GPC5: variants seen among roughly 807,000 people sequenced by gnomAD.
GPC5 encodes the protein glypican 5, also known as glypican-5.
In GPC5, 47 loss-of-function variants were observed where a neutral mutation model predicts 53.9. The observed-to-expected ratio is 0.87, with a 90% CI of 0.69 to 1.11. GPC5 has a LOEUF of 1.11. GPC5 is among the 50% of genes most tolerant of loss of function. The pLI is 0.00. For missense variants in GPC5, 748 were observed against 713.1 expected (o/e 1.05, Z -0.56); for synonymous variants, 286 against 263.3 (o/e 1.09, Z -0.84).
chr13:92,753,366 C>T (rs983392551), intron 7 of GPC5, among the ~76,000 whole-genome samples: 2 of 152,070 alleles, frequency 1.3e-5, no homozygotes, highest in Non-Finnish European at 2.9e-5. Context: ...TAGATAAAAC[C>T]ACAAAGATGG....
rs570394675 is a variant in GPC5, at chr13:92,694,223, G to A, written c.1562-172059G>A. ...GGGCCCTCATGGAGAACCTCTACTAGGGCAATGAAGAGGAAAAATGTGTAG... is the reference window on the plus strand; with the variant it reads ...GGGCCCTCATGGAGAACCTCTACTAAGGCAATGAAGAGGAAAAATGTGTAG... On this transcript the variant is annotated intron_variant, in intron 7 of 7. Transcript: ENST00000377067. Among the ~76,000 whole-genome samples, 6 of 152,300 alleles carry A rather than the reference G, an allele frequency of 3.9e-5. No homozygotes were observed. In the South Asian group the frequency reaches 1.2e-3, roughly 32 times the overall value.
intron 7 of GPC5, among the ~76,000 whole-genome samples, chr13:92,282,908 T>A (rs187464440): frequency 2.5e-4 from 38 of 152,284 alleles, no homozygotes; most frequent in Admixed American, 2.2e-3. Context: ...ACCTCAAATG[T>A]AAATGGGCTA....
At chr13:92,127,972 T>C (rs1407257450) in intron 6 of GPC5, among the ~76,000 whole-genome samples, 1 of 152,226 alleles carries the variant, frequency 6.6e-6, no homozygotes, top group Non-Finnish European at 1.5e-5. Context: ...AAGACAATCC[T>C]GGAGGGACCA....
At chr13:92,084,926 G>A (rs1463920419) in intron 6 of GPC5, among the ~76,000 whole-genome samples, 1 of 152,178 alleles carries the variant, frequency 6.6e-6, no homozygotes, top group Admixed American at 6.5e-5. Flanking sequence ...AGTTCTGGAG[G>A]GTGGTTGTTT....
At chr13:92,543,966 G>A (rs1206414597) in intron 7 of GPC5, among the ~76,000 whole-genome samples, 1 of 150,984 alleles carries the variant, frequency 6.6e-6, no homozygotes, top group African/African-American at 2.4e-5. Flanking sequence ...ATATTGCTTT[G>A]TTTTGCTTGT....
chr13:92,121,478 T>G (rs559155401), intron 6 of GPC5, among the ~76,000 whole-genome samples: 10 of 152,342 alleles, frequency 6.6e-5, no homozygotes, highest in African/African-American at 1.9e-4. Context: ...TCAAGAATAC[T>G]TAGGTGATTT....
At chr13:92,560,867 G>GTT (rs1334160532) in intron 7 of GPC5, among the ~76,000 whole-genome samples, 2 of 149,254 alleles carry the variant, frequency 1.3e-5, no homozygotes, top group African/African-American at 5.0e-5. Context: ...ATGTGTGTGT[G>GTT]TGTGTGTGTG....
chr13:92,552,399 A>G (rs1882348327), intron 7 of GPC5, among the ~76,000 whole-genome samples: 1 of 151,966 alleles, frequency 6.6e-6, no homozygotes, highest in South Asian at 2.1e-4. Context: ...ATATTTTCTC[A>G]CTTAGTAAAA....
intron 7 of GPC5, among the ~76,000 whole-genome samples, chr13:92,296,111 G>T (rs1007772319): frequency 6.6e-6 from 1 of 152,072 alleles, no homozygotes; most frequent in African/African-American, 2.4e-5. Context: ...AATAGAACAA[G>T]ACCTACTGTC....
rs750558031 is a variant in GPC5, at chr13:91,728,550, C to T, written c.1039C>T (p.Arg347Cys). 9.3e-6 allele frequency: 15 copies of T among 1,610,380 alleles called. No homozygotes were observed. The highest frequency in any genetic ancestry group is 4.5e-5 in the East Asian group (2 of 44,782). ...TTAAAAGGTAAATAGGATTTGTGGC[C>T]GCCCTGTAAGAACACCCACACAAAG... Reference protein sequence around the residue: ...LLEQVNRICGRPVRTPTQSPR... With the variant: ...LLEQVNRICGCPVRTPTQSPR... The change falls in exon 4 of 8, where the codon CGC becomes TGC. Residue 347 changes from arginine to cysteine, a missense_variant. Coordinates refer to ENST00000377067, the MANE Select transcript of GPC5 (RefSeq NM_004466.6).
At position 91,751,516 on chromosome 13, in the gene GPC5, A is replaced by G. The variant is rs187611980; in HGVS notation, c.1155-4779A>G. On this transcript the variant is annotated intron_variant, in intron 4 of 7. Transcript: ENST00000377067. ...AGAATGACAGGGCAGCCTTCCTCTG[A>G]AACATTGCCAGTCATCGTGCTAGAG... Among the ~76,000 whole-genome samples, 158 of 152,344 alleles carry G rather than the reference A, an allele frequency of 1.0e-3. 2 individuals are homozygous for G. Among genetic ancestry groups the G allele is most frequent in the African/African-American group, 3.7e-3 (155 of 41,588 alleles).
chr13:92,025,173 C>T (rs929095594), intron 6 of GPC5, among the ~76,000 whole-genome samples: 2 of 152,066 alleles, frequency 1.3e-5, no homozygotes, highest in Non-Finnish European at 2.9e-5. Flanking sequence ...GGCTGCTTCA[C>T]TCTATTCTTT....
At chr13:92,608,766 C>T (rs1884339335) in intron 7 of GPC5, among the ~76,000 whole-genome samples, 1 of 152,174 alleles carries the variant, frequency 6.6e-6, no homozygotes, top group African/African-American at 2.4e-5. Flanking sequence ...TATCCAATCA[C>T]TCATTTGTTT....
intron 7 of GPC5, among the ~76,000 whole-genome samples, chr13:92,632,072 C>G (rs893233861): frequency 1.3e-5 from 2 of 152,086 alleles, no homozygotes; most frequent in Non-Finnish European, 2.9e-5. Flanking sequence ...CTAACAGAGA[C>G]AAAAGGTAAT....
intron 6 of GPC5, among the ~76,000 whole-genome samples, chr13:92,133,272 G>A (rs1275692883): frequency 1.5e-4 from 23 of 152,140 alleles, no homozygotes. Context: ...CATTTTAAAG[G>A]TGAGAATCAG....
chr13:92,218,080 T>C (rs966476738), intron 7 of GPC5, among the ~76,000 whole-genome samples: 58 of 151,996 alleles, frequency 3.8e-4, no homozygotes, highest in African/African-American at 1.3e-3. Context: ...TATGCCACCA[T>C]GGCTGACTAA....
intron 5 of GPC5, among the ~76,000 whole-genome samples, chr13:91,776,707 C>T (rs191716680): frequency 1.3e-5 from 2 of 152,092 alleles, no homozygotes; most frequent in African/African-American, 4.8e-5. Flanking sequence ...CTGTGATGAG[C>T]AACTGAATGA....
rs1488748824 is a variant in GPC5, at chr13:92,006,677, A to G, written c.1401+98620A>G. 2.0e-5 allele frequency among the ~76,000 whole-genome samples: 3 copies of G among 152,156 alleles called. No homozygotes were observed. The East Asian group carries it at 5.8e-4, about 29-fold the overall frequency. On this transcript the variant is annotated intron_variant, in intron 6 of 7. Coordinates refer to ENST00000377067, the MANE Select transcript of GPC5 (RefSeq NM_004466.6). Reference sequence around the variant, plus strand: ...CTTCCTTGACCTACCAAGATCTTACAATCAAAGATGCTTGTATTTCTCAGT... The same window carrying G: ...CTTCCTTGACCTACCAAGATCTTACGATCAAAGATGCTTGTATTTCTCAGT...
At chr13:92,431,901 A>G (rs1877103550) in intron 7 of GPC5, among the ~76,000 whole-genome samples, 1 of 152,280 alleles carries the variant, frequency 6.6e-6, no homozygotes, top group Non-Finnish European at 1.5e-5. Flanking sequence ...TCAGTGATGA[A>G]TTTGTAAGTA....
Sources: gnomAD v4.1 joint callset for allele counts (sites outside exome capture counted in the v4.1 genomes callset) on GRCh38, gnomAD v4.1.1 for gene constraint, MANE v1.5 for transcripts, NCBI Gene and HGNC (gene_info 2026-07-23, HGNC 2026-07-21) for gene names.